The following GRM4 variants were observed in gnomAD, a reference collection of about 807,000 sequenced individuals.
The protein encoded by GRM4 is glutamate metabotropic receptor 4.
In GRM4, 28 loss-of-function variants were observed where a neutral mutation model predicts 81.7. The observed-to-expected ratio is 0.34, with a 90% CI of 0.25 to 0.47. The LOEUF (loss-of-function observed/expected upper bound fraction) is 0.47, where lower values mean the gene tolerates loss of function less well. Ranked by LOEUF, GRM4 falls within the 20% of genes least tolerant of loss-of-function variation. The pLI, the probability that GRM4 is intolerant of heterozygous loss-of-function variation, is 1.00. For missense variants in GRM4, 948 were observed against 1,290.0 expected (o/e 0.73, Z 4.06); for synonymous variants, 488 against 528.8 (o/e 0.92, Z 1.06).
At chr6:34,032,981 G>A (rs926886341) in intron 9 of GRM4, among the ~76,000 whole-genome samples, 3 of 152,182 alleles carry the variant, frequency 2.0e-5, no homozygotes, top group African/African-American at 7.2e-5. Flanking sequence ...TATTGTTGAG[G>A]GTAATTTCTC....
At chr6:34,108,711 T>C (rs1465934739) in intron 2 of GRM4, among the ~76,000 whole-genome samples, 3 of 152,178 alleles carry the variant, frequency 2.0e-5, no homozygotes, top group African/African-American at 7.2e-5. Flanking sequence ...TCCAGTTCAG[T>C]GCCCACAGTG....
rs188396675 is a variant in GRM4, at chr6:34,056,434, A to G, written c.1168+110T>C. The G allele has an allele frequency of 1.2e-3, 1,100 of 903,968 alleles. 18 individuals are homozygous for G. The East Asian group carries it at 0.03, about 25-fold the overall frequency. The allele number at this position is 903,968 out of a possible 1,614,324, so 56.0% of individuals were successfully genotyped here. On this transcript the variant is annotated intron_variant, in intron 6 of 10. Coordinates refer to ENST00000538487, the MANE Select transcript of GRM4 (RefSeq NM_000841.4). ...TGCAGGCCCAACTGCACGTCCTGCC[A>G]CGGCCGGCCGACGACAGACAAAGGG... is the stretch of plus-strand genomic sequence containing the variant.
chr6:34,132,942 G>A, intron 2 of GRM4, 36 bp downstream of exon 2: 1 of 1,535,580 alleles, frequency 6.5e-7, no homozygotes, highest in Non-Finnish European at 8.8e-7. Context: ...GTCCGTTGGG[G>A]GAAGAGCACC....
In GRM4 at chr6:34,019,216, GC is replaced by G. The variant is rs1274995413; in HGVS notation, c.*3604del. On this transcript the variant is annotated 3_prime_UTR_variant, in exon 11 of 11. Transcript: ENST00000538487. ...CCATAAGACATTAGAGCTCAGAACA[GC>G]CCCTCAGAGCCGGAAGGGACCTGAG... 3 of 152,238 alleles carry G rather than the reference GC, an allele frequency of 2.0e-5. No individual in the cohort carries two copies. In the East Asian group the frequency reaches 5.8e-4, roughly 29 times the overall value. The allele number at this position is 152,238 out of a possible 1,614,324, so 9.4% of individuals were successfully genotyped here.
Position 34,115,136 on chromosome 6 carries a change from G to A in GRM4, c.519+17842C>T, listed in dbSNP as rs1331253080. Among the ~76,000 whole-genome samples the A allele has an allele frequency of 1.3e-5, 2 of 152,210 alleles. No homozygotes were observed. The highest frequency in any genetic ancestry group is 6.5e-5 in the Admixed American group (1 of 15,286). On this transcript the variant is annotated intron_variant, in intron 2 of 10. Coordinates refer to ENST00000538487, the MANE Select transcript of GRM4 (RefSeq NM_000841.4). The surrounding 1 kb of genome is among the most constrained non-coding windows in gnomAD (Gnocchi z 4.1). ...GCAAAGAGGTTCACCAGGGTTGAGA[G>A]GTGGTCAGGGCCCTGCCTAAACGCC...
In GRM4 at chr6:34,051,334, A is replaced by T. The variant is rs368054570; in HGVS notation, c.1168+5210T>A. Among the ~76,000 whole-genome samples the T allele has an allele frequency of 2.0e-5, 3 of 152,320 alleles. No homozygotes were observed. The East Asian group carries it at 5.8e-4, about 29-fold the overall frequency. ...ATACTGGAACAGAGCTTGACAATTA[A>T]TAAATGCTATATAAATATTAGCTGT... is the stretch of plus-strand genomic sequence containing the variant. On this transcript the variant is annotated intron_variant, in intron 6 of 10. Coordinates refer to ENST00000538487, the MANE Select transcript of GRM4 (RefSeq NM_000841.4).
chr6:34,122,842 G>A (rs909982345), intron 2 of GRM4, among the ~76,000 whole-genome samples: 29 of 152,316 alleles, frequency 1.9e-4, no homozygotes, highest in Admixed American at 5.2e-4. Context: ...CAGAACTGTG[G>A]GGAGAGACAC....
intron 2 of GRM4, among the ~76,000 whole-genome samples, chr6:34,108,200 C>A (rs372865478): frequency 6.6e-6 from 1 of 152,240 alleles, no homozygotes; most frequent in East Asian, 1.9e-4. Flanking sequence ...GATCTGAATT[C>A]TAACTCACCG....
At chr6:34,131,820 G>A (rs1770245835) in intron 2 of GRM4, among the ~76,000 whole-genome samples, 1 of 152,160 alleles carries the variant, frequency 6.6e-6, no homozygotes, top group Non-Finnish European at 1.5e-5. Context: ...TAGCCCTGGA[G>A]ACTTTGGGGA....
chr6:34,154,952 G>T (rs1581749192), intron 1 of GRM4: 2 of 724,438 alleles, frequency 2.8e-6, no homozygotes, highest in East Asian at 3.3e-5. Context: ...CGCCCTCATT[G>T]CACCCAGCGG....
intron 3 of GRM4, among the ~76,000 whole-genome samples, chr6:34,088,900 C>T (rs938684546): frequency 6.6e-6 from 1 of 152,170 alleles, no homozygotes; most frequent in Non-Finnish European, 1.5e-5. Flanking sequence ...AGTGCCAGGG[C>T]TTCCTTTAGG....
chr6:34,083,318 C>T (rs75286976), intron 3 of GRM4, among the ~76,000 whole-genome samples: 2,283 of 152,312 alleles, frequency 0.015, 40 homozygotes, highest in African/African-American at 0.042. Context: ...GAATCCAAGC[C>T]GACAGGCGCA....
intron 1 of GRM4, among the ~76,000 whole-genome samples, chr6:34,135,640 C>G (rs1032778315): frequency 6.8e-6 from 1 of 147,024 alleles, no homozygotes; most frequent in Non-Finnish European, 1.5e-5. Flanking sequence ...AAATACAAGG[C>G]GGGGAGCTGC....
rs1770352603 is a variant in GRM4 at position 34,133,936 on chromosome 6, G to A, written c.-363-77C>T. ...ATTAGCTAGTCTCATCTCTCATCAG[G>A]AGCCTGAGAGAAGGAGATGCTAGAG... On this transcript the variant is annotated intron_variant, in intron 1 of 10. Transcript: ENST00000538487. The surrounding 1 kb of genome is among the most constrained non-coding windows in gnomAD (Gnocchi z 6.5). The A allele has an allele frequency of 1.6e-6, 1 of 609,460 alleles. No homozygotes were observed. Among genetic ancestry groups the A allele is most frequent in the Non-Finnish European group, 2.1e-6 (1 of 484,490 alleles). The allele number at this position is 609,460 out of a possible 1,614,324, so 37.8% of individuals were successfully genotyped here.
intron 5 of GRM4, 57 bp from the exon 6 acceptor site, chr6:34,056,741 C>G: frequency 6.4e-7 from 1 of 1,567,286 alleles, no homozygotes; most frequent in Non-Finnish European, 8.7e-7. Context: ...CCAGCCCCAG[C>G]CCTCCCCGCC....
intron 3 of GRM4, among the ~76,000 whole-genome samples, chr6:34,065,795 G>A (rs1266440879): frequency 6.6e-6 from 1 of 152,252 alleles, no homozygotes; most frequent in East Asian, 1.9e-4. Flanking sequence ...CCTGGCCCAA[G>A]TTGGATGGAG....
At chr6:34,030,722 A>AT (rs1764370022) in intron 9 of GRM4, among the ~76,000 whole-genome samples, 1 of 152,178 alleles carries the variant, frequency 6.6e-6, no homozygotes. Context: ...CTTCGTTTTC[A>AT]TTTTGTGCTG....
Position 34,130,138 on chromosome 6 carries a change from CT to C in GRM4, c.519+2839del, listed in dbSNP as rs1239237387. On this transcript the variant is annotated intron_variant, in intron 2 of 10. Coordinates refer to ENST00000538487, the MANE Select transcript of GRM4 (RefSeq NM_000841.4). This position sits in a 1 kb window ranked among gnomAD's most constrained non-coding sequence, Gnocchi z 4.1. ...CCGACCTCCCTCCCCAAAGTTCAAT[CT>C]TTTTGCTTCTGTAAATGGCTTTTAA... 6.6e-6 allele frequency among the ~76,000 whole-genome samples: 1 copy of C among 152,154 alleles called. No homozygotes were observed. The highest frequency in any genetic ancestry group is 1.5e-5 in the Non-Finnish European group (1 of 68,024).
chr6:34,027,215 G>A (rs893769232), intron 10 of GRM4, among the ~76,000 whole-genome samples: 1 of 152,144 alleles, frequency 6.6e-6, no homozygotes, highest in East Asian at 1.9e-4. Context: ...AGGCATCAGG[G>A]GTGTTGATCA....
Sources: gnomAD v4.1 joint callset for allele counts (sites outside exome capture counted in the v4.1 genomes callset) on GRCh38, gnomAD v4.1.1 for gene constraint, Gnocchi (gnomAD v3.1) non-coding constraint, MANE v1.5 for transcripts, NCBI Gene and HGNC (gene_info 2026-07-23, HGNC 2026-07-21) for gene names.